Variants in SEL1L3 observed in about 807,000 individuals in gnomAD.
The protein encoded by SEL1L3 is SEL1L family member 3, also known as protein sel-1 homolog 3.
SEL1L3 carries 76 observed loss-of-function variants against 142.8 expected under a neutral mutation model. That is an observed-to-expected ratio of 0.53 (90% CI 0.44 to 0.64). The LOEUF (loss-of-function observed/expected upper bound fraction) is 0.64, where lower values mean the gene tolerates loss of function less well. Ranked by LOEUF, SEL1L3 falls within the 30% of genes least tolerant of loss-of-function variation. The pLI, the probability that SEL1L3 is intolerant of heterozygous loss-of-function variation, is 0.00. For missense variants in SEL1L3, 1,262 were observed against 1,381.7 expected (o/e 0.91, Z 1.37); for synonymous variants, 504 against 519.6 (o/e 0.97, Z 0.41).
At chr4:25,850,409 G>T (rs1005085524) in intron 1 of SEL1L3, among the ~76,000 whole-genome samples, 1 of 152,080 alleles carries the variant, frequency 6.6e-6, no homozygotes, top group South Asian at 2.1e-4. Flanking sequence ...TTCCCTACTA[G>T]ATTTGCAAAG....
intron 1 of SEL1L3, among the ~76,000 whole-genome samples, chr4:25,859,790 C>A (rs6817066): frequency 0.018 from 2,742 of 152,318 alleles, 75 homozygotes; most frequent in African/African-American, 0.063. Flanking sequence ...TCTTCATTAA[C>A]GATGGCAAAT....
chr4:25,768,263 T>G (rs1442012692), intron 17 of SEL1L3, among the ~76,000 whole-genome samples: 1 of 152,220 alleles, frequency 6.6e-6, no homozygotes, highest in Non-Finnish European at 1.5e-5. Flanking sequence ...GCTGAGCTTT[T>G]GTTGTGCATT....
the SEL1L3 span, among the ~76,000 whole-genome samples, chr4:25,730,086 A>G: frequency 6.7e-6 from 1 of 150,216 alleles, no homozygotes; most frequent in African/African-American, 2.4e-5. Flanking sequence ...AGCACCCGCC[A>G]CCATGCCTGG....
In SEL1L3 at chr4:25,806,331, C is replaced by T. The variant is rs372781626; in HGVS notation, c.1565-1579G>A. Reference sequence around the variant, plus strand: ...GGATTACAGGCTTGAGCCACCGCGCCCGGCAAAATGTTTTTTTTTTTAAAG... The same window carrying T: ...GGATTACAGGCTTGAGCCACCGCGCTCGGCAAAATGTTTTTTTTTTTAAAG... On this transcript the variant is annotated intron_variant, in intron 9 of 23. Transcript: ENST00000399878. 4.0e-5 allele frequency among the ~76,000 whole-genome samples: 6 copies of T among 151,764 alleles called. No individual in the cohort carries two copies. In the South Asian group the frequency reaches 1.2e-3, roughly 32 times the overall value.
chr4:25,806,041 GTTT>G (rs33956733), intron 9 of SEL1L3, among the ~76,000 whole-genome samples: 4 of 134,820 alleles, frequency 3.0e-5, no homozygotes, highest in Non-Finnish European at 3.2e-5. Context: ...TGTTTTGTTT[GTTT>G]TTTTTTTTTT....
At chr4:25,770,688 C>T (rs1266402629) in intron 17 of SEL1L3, among the ~76,000 whole-genome samples, 1 of 140,002 alleles carries the variant, frequency 7.1e-6, no homozygotes, top group Non-Finnish European at 1.5e-5. Context: ...TGCAGTGAGC[C>T]GAGATTGCAC....
At chr4:25,750,853 C>T (rs1279914782) in intron 23 of SEL1L3, among the ~76,000 whole-genome samples, 1 of 152,158 alleles carries the variant, frequency 6.6e-6, no homozygotes, top group African/African-American at 2.4e-5. Context: ...TTAGGCTAAC[C>T]ACTTAGCTGG....
chr4:25,726,311 C>T, the SEL1L3 span, among the ~76,000 whole-genome samples: 6 of 151,758 alleles, frequency 4.0e-5, no homozygotes, highest in African/African-American at 9.7e-5. Context: ...GGGCAGATCA[C>T]GAGGTCAGGA....
chr4:25,805,678 TAG>T (rs140919858), intron 9 of SEL1L3, among the ~76,000 whole-genome samples: 3,458 of 152,334 alleles, frequency 0.023, 120 homozygotes, highest in African/African-American at 0.078. Context: ...GATGTACTGT[TAG>T]AGTCTTCTAA....
At chr4:25,735,517 A>G in the SEL1L3 span, among the ~76,000 whole-genome samples, 86 of 151,464 alleles carry the variant, frequency 5.7e-4, no homozygotes, top group African/African-American at 2.1e-3. Flanking sequence ...TCTGGTTCCA[A>G]TTTCACCAAT....
At chr4:25,859,305 T>A (rs2109328907) in intron 1 of SEL1L3, among the ~76,000 whole-genome samples, 1 of 152,248 alleles carries the variant, frequency 6.6e-6, no homozygotes, top group East Asian at 1.9e-4. Context: ...TGGCCTTTGG[T>A]GACCTCAGAA....
At chr4:25,779,856 A>T (rs377459484) in intron 15 of SEL1L3, among the ~76,000 whole-genome samples, 132 of 152,160 alleles carry the variant, frequency 8.7e-4, no homozygotes, top group African/African-American at 3.0e-3. Flanking sequence ...TCAAATCCCA[A>T]CTCTGCTCCT....
chr4:25,753,506 C>T (rs1165100218), intron 23 of SEL1L3, among the ~76,000 whole-genome samples: 1 of 152,330 alleles, frequency 6.6e-6, no homozygotes, highest in Middle Eastern at 3.4e-3. Flanking sequence ...TGTCTTCCCC[C>T]AGCTGTGGGG....
At chr4:25,830,780 C>T (rs189862953) in intron 5 of SEL1L3, among the ~76,000 whole-genome samples, 27 of 152,314 alleles carry the variant, frequency 1.8e-4, no homozygotes, top group East Asian at 7.7e-4. Flanking sequence ...GTCTCAAAGA[C>T]GTGGCTACGA....
At chr4:25,723,056 C>T in the SEL1L3 span, among the ~76,000 whole-genome samples, 19,123 of 152,070 alleles carry the variant, frequency 0.13, 1,401 homozygotes, top group Middle Eastern at 0.18. Flanking sequence ...TTAATGTGGG[C>T]AGAGCCTTCA....
At chr4:25,726,529 A>C in the SEL1L3 span, among the ~76,000 whole-genome samples, 1 of 11,470 alleles carries the variant, frequency 8.7e-5, no homozygotes, top group Non-Finnish European at 1.8e-4. Context: ...CTTGGTCTCA[A>C]AAAAAAAAAA....
intron 3 of SEL1L3, among the ~76,000 whole-genome samples, chr4:25,833,964 GA>G (rs1715605972): frequency 6.6e-6 from 1 of 152,102 alleles, no homozygotes; most frequent in Admixed American, 6.5e-5. Flanking sequence ...TATGTTAAAA[GA>G]AAAAACATAA....
At position 25,804,622 on chromosome 4, in the gene SEL1L3, G is replaced by A. The variant is rs745767318; in HGVS notation, c.1695C>T (p.Ser565=). 70 of 1,613,778 alleles carry A rather than the reference G, an allele frequency of 4.3e-5. No individual in the cohort carries two copies. The highest frequency in any genetic ancestry group is 5.7e-5 in the Non-Finnish European group (67 of 1,179,778). The part of the protein sequence containing the change: ...SSIVPFLTDS[S]CCGYHKASYY... ...AGGATGCTTTATGGTATCCACAGCA[G>A]CTGGAATCCGTCAGAAAGGGGACGA... Residue 565 remains serine (S), a synonymous_variant, in exon 10 of 24, where the codon AGC becomes AGT. Coordinates refer to ENST00000399878, the MANE Select transcript of SEL1L3 (RefSeq NM_015187.5).
intron 23 of SEL1L3, among the ~76,000 whole-genome samples, chr4:25,755,619 G>T (rs749275412): frequency 3.9e-5 from 6 of 152,082 alleles, no homozygotes; most frequent in Non-Finnish European, 8.8e-5. Flanking sequence ...AGAACTATGG[G>T]GATATAGGAA....
Sources: gnomAD v4.1 joint callset for allele counts (sites outside exome capture counted in the v4.1 genomes callset) on GRCh38, gnomAD v4.1.1 for gene constraint, MANE v1.5 for transcripts, NCBI Gene and HGNC (gene_info 2026-07-23, HGNC 2026-07-21) for gene names.